The following SDK1 variants were observed in gnomAD, a reference collection of about 807,000 sequenced individuals.
SDK1 encodes protein sidekick-1.
Under a neutral mutation model 245.5 loss-of-function variants are expected in SDK1, and 157 were observed. The ratio of observed to expected loss-of-function variants is 0.64; its 90% CI spans 0.56 to 0.73. The LOEUF is 0.73. Among genes scored for constraint, SDK1 ranks in the 30% least tolerant of loss-of-function variants. The probability of loss-of-function intolerance (pLI) is 0.00; values close to 1 mark genes in which losing one functional copy is unlikely to be tolerated. For synonymous variants in SDK1, 1,647 were observed against 1,278.5 expected (o/e 1.29, Z -6.15); for missense variants, 3,583 against 3,002.3 (o/e 1.19, Z -4.52).
At position 3,406,296 on chromosome 7, in the gene SDK1, A is replaced by G. The variant is rs1332923071; in HGVS notation, c.298+104412A>G. ...GGACTCTTGGCTTTAAAAACCGTCTATCTGTATCTGTGGGAAAGCTTTTCA... is the reference window on the plus strand; with the variant it reads ...GGACTCTTGGCTTTAAAAACCGTCTGTCTGTATCTGTGGGAAAGCTTTTCA... On this transcript the variant is annotated intron_variant, in intron 1 of 44. Transcript: ENST00000404826. Among the ~76,000 whole-genome samples, 5 of 152,200 alleles carry G rather than the reference A, an allele frequency of 3.3e-5. No homozygotes were observed. The East Asian group carries it at 5.8e-4, about 18-fold the overall frequency.
chr7:3,733,180 T>A lies in SDK1; in HGVS notation c.714-88270T>A, dbSNP rs572740566. 2.0e-5 allele frequency among the ~76,000 whole-genome samples: 3 copies of A among 152,314 alleles called. No individual in the cohort carries two copies. The East Asian group carries it at 5.8e-4, about 29-fold the overall frequency. On this transcript the variant is annotated intron_variant, in intron 4 of 44. Coordinates refer to ENST00000404826, the MANE Select transcript of SDK1 (RefSeq NM_152744.4). ...ATGGCTCCCTGTGCAATGTCTTAAG[T>A]CTTTAAAGAATATTTTAATTTATTA...
rs1780004721 is a variant in SDK1 at position 4,067,934 on chromosome 7, C to A, written c.3008C>A (p.Thr1003Asn). The A allele has an allele frequency of 4.4e-6, 7 of 1,603,058 alleles. No homozygotes were observed. In the African/African-American group the frequency reaches 6.7e-5, roughly 15 times the overall value. ...CCCCTGGAGAAAAATGGCATCATTA[C>A]TGGTAAGTAGGCCTGTCCTTCAAAA... is the stretch of plus-strand genomic sequence containing the variant. ...QEPLEKNGII[T>N]GYQISWEVYG... Residue 1003 changes from threonine (T) to asparagine (N), a missense_variant and splice_region_variant, in exon 20 of 45, where the codon ACT (threonine) becomes AAT (asparagine). Coordinates refer to ENST00000404826, the MANE Select transcript of SDK1 (RefSeq NM_152744.4).
At chr7:3,359,791 T>TCTTTGGGGGATGTGACTA (rs922794719) in intron 1 of SDK1, among the ~76,000 whole-genome samples, 3 of 151,366 alleles carry the variant, frequency 2.0e-5, no homozygotes, top group African/African-American at 7.3e-5. Flanking sequence ...GGATGTGACA[T>TCTTTGGGGGATGTGACTA]TCCAGGGCAT....
intron 1 of SDK1, among the ~76,000 whole-genome samples, chr7:3,381,703 G>A (rs1781491366): frequency 6.6e-6 from 1 of 152,138 alleles, no homozygotes; most frequent in Admixed American, 6.5e-5. Flanking sequence ...ATGCTTTGAA[G>A]GAAGGAGAAA....
At chr7:3,368,253 A>T (rs1455447442) in intron 1 of SDK1, among the ~76,000 whole-genome samples, 6 of 152,230 alleles carry the variant, frequency 3.9e-5, no homozygotes, top group Admixed American at 3.9e-4. Flanking sequence ...AACAGAAGAA[A>T]GTGTTCTCAA....
At chr7:4,131,932 A>G (rs682500) in intron 27 of SDK1, among the ~76,000 whole-genome samples, 19,353 of 152,118 alleles carry the variant, frequency 0.13, 1,302 homozygotes, top group Non-Finnish European at 0.13. Flanking sequence ...GCAGATGTCA[A>G]ACCCAGTAAG....
intron 13 of SDK1, among the ~76,000 whole-genome samples, chr7:3,975,344 C>T (rs141003227): frequency 5.9e-5 from 9 of 152,348 alleles, no homozygotes; most frequent in Non-Finnish European, 1.2e-4. Flanking sequence ...TCCAGGGACA[C>T]ACCCAGCGCA....
At chr7:3,805,529 T>C (rs776007384) in intron 4 of SDK1, among the ~76,000 whole-genome samples, 1 of 152,220 alleles carries the variant, frequency 6.6e-6, no homozygotes, top group Non-Finnish European at 1.5e-5. Flanking sequence ...ATTAACCATT[T>C]CTCTAAAATG....
At chr7:4,234,329 CAG>C (rs150826205) in intron 41 of SDK1, among the ~76,000 whole-genome samples, 1,905 of 152,290 alleles carry the variant, frequency 0.013, 44 homozygotes, top group African/African-American at 0.044. Context: ...GGTCTGCTCT[CAG>C]GGGAGTGGCA....
At chr7:4,126,432 T>A (rs1431273490) in intron 25 of SDK1, among the ~76,000 whole-genome samples, 1 of 152,236 alleles carries the variant, frequency 6.6e-6, no homozygotes, top group East Asian at 1.9e-4. Context: ...AAAATGATCT[T>A]ACATGTGGGC....
intron 1 of SDK1, among the ~76,000 whole-genome samples, chr7:3,380,169 A>G (rs771530350): frequency 3.3e-5 from 5 of 152,204 alleles, no homozygotes; most frequent in Non-Finnish European, 5.9e-5. Flanking sequence ...AATGATGTTT[A>G]TCTTATGGTT....
intron 5 of SDK1, among the ~76,000 whole-genome samples, chr7:3,845,385 G>C (rs1232549654): frequency 6.6e-6 from 1 of 151,152 alleles, no homozygotes; most frequent in Non-Finnish European, 1.5e-5. Context: ...AGCTACTTAG[G>C]AGGCAGAGGC....
intron 1 of SDK1, among the ~76,000 whole-genome samples, chr7:3,609,949 C>T (rs1357220069): frequency 6.6e-6 from 1 of 152,160 alleles, no homozygotes; most frequent in Non-Finnish European, 1.5e-5. Flanking sequence ...GATCCGCCCA[C>T]CTCAGCCTCC....
chr7:3,565,790 T>C (rs776832038), intron 1 of SDK1, among the ~76,000 whole-genome samples: 5 of 152,234 alleles, frequency 3.3e-5, no homozygotes, highest in Admixed American at 6.5e-5. Context: ...GTAGTTGTTA[T>C]ATTGTTCAGG....
At chr7:3,951,661 C>T in intron 6 of SDK1, 69 bp from the exon 7 acceptor site, 1 of 1,422,886 alleles carries the variant, frequency 7.0e-7, no homozygotes, top group Non-Finnish European at 9.8e-7. Flanking sequence ...GTGCCGAGTG[C>T]CTGAGATGAT....
chr7:3,553,945 G>A (rs150547611), intron 1 of SDK1, among the ~76,000 whole-genome samples: 20 of 152,182 alleles, frequency 1.3e-4, no homozygotes, highest in East Asian at 5.8e-4. Flanking sequence ...CAAATGAAGC[G>A]GGCACAAAGA....
intron 35 of SDK1, among the ~76,000 whole-genome samples, chr7:4,184,415 C>A (rs976977683): frequency 1.3e-5 from 2 of 152,032 alleles, no homozygotes; most frequent in African/African-American, 2.4e-5. Context: ...GACTCAGGTA[C>A]TGGCTTCATT....
At chr7:3,918,891 C>T (rs528372346) in intron 5 of SDK1, among the ~76,000 whole-genome samples, 1 of 152,136 alleles carries the variant, frequency 6.6e-6, no homozygotes, top group Non-Finnish European at 1.5e-5. Flanking sequence ...TGGACATATT[C>T]GTGCCACTTG....
intron 23 of SDK1, among the ~76,000 whole-genome samples, chr7:4,112,308 C>T (rs1451136845): frequency 6.6e-6 from 1 of 152,050 alleles, no homozygotes; most frequent in Non-Finnish European, 1.5e-5. Flanking sequence ...TGAGCCTTTC[C>T]AAAGGAGGCC....
Sources: allele counts gnomAD v4.1 joint callset (sites outside exome capture counted in the v4.1 genomes callset), GRCh38; gene constraint gnomAD v4.1.1; transcripts MANE v1.5; gene names NCBI Gene and HGNC (gene_info 2026-07-23, HGNC 2026-07-21).